Variants in LEF1 observed in about 807,000 individuals in gnomAD.
The protein encoded by LEF1 is lymphoid enhancer binding factor 1, also known as lymphoid enhancer-binding factor 1.
A neutral mutation model predicts 51.2 loss-of-function variants in LEF1; 14 were observed. That is an observed-to-expected ratio of 0.27 (90% CI 0.18 to 0.43). The LOEUF is 0.43. Among genes scored for constraint, LEF1 ranks in the 20% least tolerant of loss-of-function variants. The pLI, the probability that LEF1 is intolerant of heterozygous loss-of-function variation, is 1.00. For missense variants in LEF1, 386 were observed against 512.0 expected (o/e 0.75, Z 2.37); for synonymous variants, 185 against 183.2 (o/e 1.01, Z -0.08).
At chr4:108,076,134 A>G (rs1738844340) in intron 8 of LEF1, among the ~76,000 whole-genome samples, 1 of 152,128 alleles carries the variant, frequency 6.6e-6, no homozygotes, top group South Asian at 2.1e-4. Flanking sequence ...CTCACATCTC[A>G]GCTTAAATAC....
intron 11 of LEF1, among the ~76,000 whole-genome samples, chr4:108,053,404 T>C (rs1355912825): frequency 6.6e-6 from 1 of 152,170 alleles, no homozygotes; most frequent in Non-Finnish European, 1.5e-5. Context: ...CATTCAAGAC[T>C]AGTTAGTTAA....
At chr4:108,134,039 A>G (rs1410112523) in intron 3 of LEF1, among the ~76,000 whole-genome samples, 7 of 152,182 alleles carry the variant, frequency 4.6e-5, no homozygotes, top group African/African-American at 1.7e-4. Context: ...GGTCCAGGGA[A>G]GCACTCCATC....
intron 3 of LEF1, among the ~76,000 whole-genome samples, chr4:108,106,102 G>C (rs1448987221): frequency 6.6e-6 from 1 of 152,150 alleles, no homozygotes; most frequent in Non-Finnish European, 1.5e-5. Context: ...CCCAGATATG[G>C]CTCAGGGAGA....
At chr4:108,084,626 G>A (rs753518241) in intron 4 of LEF1, among the ~76,000 whole-genome samples, 9 of 152,218 alleles carry the variant, frequency 5.9e-5, no homozygotes, top group Non-Finnish European at 1.0e-4. Context: ...CTTACAGAAA[G>A]TAGGTGGGAA....
chr4:108,134,248 C>T (rs1397351728), intron 3 of LEF1, among the ~76,000 whole-genome samples: 1 of 151,920 alleles, frequency 6.6e-6, no homozygotes. Context: ...TTATTTTGTC[C>T]TCAGTGAATA....
At chr4:108,089,474 G>A (rs1739866900) in intron 3 of LEF1, among the ~76,000 whole-genome samples, 1 of 152,122 alleles carries the variant, frequency 6.6e-6, no homozygotes, top group Admixed American at 6.6e-5. Flanking sequence ...TGATATTCAT[G>A]AGTTATCAGT....
intron 8 of LEF1, among the ~76,000 whole-genome samples, chr4:108,073,629 A>C (rs1738640214): frequency 6.6e-6 from 1 of 152,170 alleles, no homozygotes; most frequent in Non-Finnish European, 1.5e-5. Flanking sequence ...CTGGAATCAT[A>C]AATACAAATT....
At chr4:108,062,642 C>G (rs778590127) in intron 11 of LEF1, among the ~76,000 whole-genome samples, 1 of 152,138 alleles carries the variant, frequency 6.6e-6, no homozygotes, top group Non-Finnish European at 1.5e-5. Context: ...GGAAATCCCT[C>G]CAGGAGCAAC....
chr4:108,089,514 G>A (rs572364370), intron 3 of LEF1, among the ~76,000 whole-genome samples: 11 of 152,240 alleles, frequency 7.2e-5, no homozygotes, highest in Non-Finnish European at 1.6e-4. Context: ...CAGGGATTTA[G>A]GTTGATCACT....
chr4:108,060,343 G>A (rs541977875), intron 11 of LEF1, among the ~76,000 whole-genome samples: 2 of 152,274 alleles, frequency 1.3e-5, no homozygotes, highest in South Asian at 2.1e-4. Flanking sequence ...AGGCAGTGCA[G>A]ACCACACAAA....
intron 4 of LEF1, among the ~76,000 whole-genome samples, chr4:108,083,699 A>C (rs1315842935): frequency 6.6e-6 from 1 of 152,194 alleles, no homozygotes; most frequent in Non-Finnish European, 1.5e-5. Flanking sequence ...CAATCATCAA[A>C]ATAGACTTTT....
intron 9 of LEF1, among the ~76,000 whole-genome samples, chr4:108,069,379 C>A (rs1402108484): frequency 1.3e-5 from 2 of 152,182 alleles, no homozygotes; most frequent in South Asian, 2.1e-4. Flanking sequence ...AAATAAAAGT[C>A]TTTGCCCTAT....
chr4:108,048,734 A>G lies in LEF1; in HGVS notation c.*24T>C. On this transcript the variant is annotated 3_prime_UTR_variant, in exon 12 of 12. Coordinates refer to ENST00000265165, the MANE Select transcript of LEF1 (RefSeq NM_016269.5). ...GCTGCCTTGGCTTTGCACGTTGGGAATGAGCTTCGTTTTCCACCTCAAGAA... is the reference window on the plus strand; with the variant it reads ...GCTGCCTTGGCTTTGCACGTTGGGAGTGAGCTTCGTTTTCCACCTCAAGAA... The G allele has an allele frequency of 6.2e-7, 1 of 1,605,732 alleles. No individual in the cohort carries two copies. The highest frequency in any genetic ancestry group is 8.5e-7 in the Non-Finnish European group (1 of 1,175,868).
At chr4:108,074,787 C>T (rs1272766357) in intron 8 of LEF1, among the ~76,000 whole-genome samples, 1 of 152,130 alleles carries the variant, frequency 6.6e-6, no homozygotes, top group Non-Finnish European at 1.5e-5. Context: ...GACACATGCT[C>T]GGATCTGGGG....
In LEF1 at chr4:108,063,725, G is replaced by A. The variant is rs919901668; in HGVS notation, c.1166-62C>T. ...AGAGGTTTTTGTACATTCCAAATAC[G>A]TAGTAGCTACAATATCATGTGAACT... On this transcript the variant is annotated intron_variant, in intron 10 of 11. Transcript: ENST00000265165. The A allele has an allele frequency of 6.2e-5, 66 of 1,061,894 alleles. 2 individuals are homozygous for A. The highest frequency in any genetic ancestry group is 9.2e-5 in the Admixed American group (4 of 43,700). 65.8% of individuals were successfully genotyped at this position (1,061,894 alleles called of 1,614,324 possible).
chr4:108,125,481 G>A (rs1742469881), intron 3 of LEF1, among the ~76,000 whole-genome samples: 1 of 152,010 alleles, frequency 6.6e-6, no homozygotes, highest in Non-Finnish European at 1.5e-5. Flanking sequence ...ATTATTTACA[G>A]TAGTATGACT....
At chr4:108,091,693 G>A (rs1578331600) in intron 3 of LEF1, among the ~76,000 whole-genome samples, 1 of 152,042 alleles carries the variant, frequency 6.6e-6, no homozygotes, top group East Asian at 1.9e-4. Context: ...ATCTTCTAAT[G>A]CTTTTCGAGT....
At chr4:108,111,701 C>T (rs1177597907) in intron 3 of LEF1, among the ~76,000 whole-genome samples, 2 of 152,162 alleles carry the variant, frequency 1.3e-5, no homozygotes, top group African/African-American at 4.8e-5. Flanking sequence ...TGCTTGAGCT[C>T]AGGAGTTCGA....
intron 6 of LEF1, 74 bp from the exon 7 acceptor site, chr4:108,079,688 A>C: frequency 6.7e-7 from 1 of 1,483,746 alleles, no homozygotes; most frequent in Non-Finnish European, 9.4e-7. Context: ...TTTCAAAGCA[A>C]TCCACTAACT....
Sources: allele counts gnomAD v4.1 joint callset (sites outside exome capture counted in the v4.1 genomes callset), GRCh38; gene constraint gnomAD v4.1.1; transcripts MANE v1.5; gene names NCBI Gene and HGNC (gene_info 2026-07-23, HGNC 2026-07-21).